Variants in SEMA5B observed in about 807,000 individuals in gnomAD.
The protein encoded by SEMA5B is semaphorin-5B.
SEMA5B carries 66 observed loss-of-function variants against 135.0 expected under a neutral mutation model. That is an observed-to-expected ratio of 0.49 (90% confidence interval 0.40 to 0.60). The LOEUF (loss-of-function observed/expected upper bound fraction) is 0.60, where lower values mean the gene tolerates loss of function less well. SEMA5B is among the 20% of genes least tolerant of loss of function. The pLI, the probability that SEMA5B is intolerant of heterozygous loss-of-function variation, is 0.00. For synonymous variants in SEMA5B, 690 were observed against 639.5 expected (o/e 1.08, Z -1.19); for missense variants, 1,501 against 1,566.3 (o/e 0.96, Z 0.70).
chr3:122,922,233 G>A lies in SEMA5B; in HGVS notation c.1480+7C>T, dbSNP rs781642409. ...CCTGCAGTCCAGGTTGGACCGGGCC[G>A]GCTCACCGGTGCCAATGTAGAGTAC... On this transcript the variant is annotated splice_region_variant and intron_variant, in intron 11 of 22. Transcript: ENST00000357599. 1.3e-4 allele frequency: 212 copies of A among 1,606,614 alleles called. No homozygotes were observed. In the East Asian group the frequency reaches 4.5e-3, roughly 34 times the overall value.
At chr3:122,981,924 C>T (rs185225521) in intron 1 of SEMA5B, among the ~76,000 whole-genome samples, 1 of 152,250 alleles carries the variant, frequency 6.6e-6, no homozygotes, top group East Asian at 1.9e-4. Context: ...AAGTGCTTTG[C>T]GTTTGGCCAT....
chr3:122,915,674 A>T, intron 13 of SEMA5B, 53 bp from the exon 14 acceptor site: 1 of 1,600,352 alleles, frequency 6.2e-7, no homozygotes, highest in Non-Finnish European at 8.6e-7. Context: ...AAGGGCAGGG[A>T]AGTCATAAGA....
intron 5 of SEMA5B, among the ~76,000 whole-genome samples, 157 bp downstream of exon 5, chr3:122,939,268 G>T (rs535668457): frequency 1.3e-5 from 2 of 152,340 alleles, no homozygotes; most frequent in South Asian, 4.1e-4. Context: ...CAGTGACTCT[G>T]ATAGCTGGGG....
chr3:122,949,613 C>T (rs1576359294), intron 2 of SEMA5B, among the ~76,000 whole-genome samples: 3 of 152,180 alleles, frequency 2.0e-5, no homozygotes, highest in South Asian at 4.1e-4. Context: ...AACAAATTAG[C>T]CACATTATAA....
chr3:122,938,044 G>T (rs1242484842), intron 5 of SEMA5B, among the ~76,000 whole-genome samples: 1 of 152,228 alleles, frequency 6.6e-6, no homozygotes, highest in Non-Finnish European at 1.5e-5. Context: ...GCCACAAGAT[G>T]CTGCTTCTGG....
chr3:122,967,712 C>T (rs182790142), intron 1 of SEMA5B, among the ~76,000 whole-genome samples: 2 of 152,338 alleles, frequency 1.3e-5, no homozygotes, highest in Admixed American at 6.5e-5. Context: ...TGTGCTCTAC[C>T]CTGGTTCTTC....
At chr3:122,997,371 T>TCCTCTCAATCCCTCCTCTGCC (rs1942046494) in intron 1 of SEMA5B, among the ~76,000 whole-genome samples, 1 of 152,078 alleles carries the variant, frequency 6.6e-6, no homozygotes, top group Non-Finnish European at 1.5e-5. Context: ...TTCTTGCATC[T>TCCTCTCAATCCCTCCTCTGCC]CCTCTCAATC....
intron 17 of SEMA5B, 65 bp from the exon 18 acceptor site, chr3:122,913,126 C>T: frequency 7.0e-7 from 1 of 1,423,254 alleles, no homozygotes; most frequent in Non-Finnish European, 9.1e-7. Flanking sequence ...TGGGCCTCCC[C>T]GGGGCTCCCG....
chr3:122,943,265 C>T (rs907820476), intron 4 of SEMA5B, among the ~76,000 whole-genome samples, 171 bp downstream of exon 4: 2 of 152,170 alleles, frequency 1.3e-5, no homozygotes, highest in Admixed American at 6.5e-5. Context: ...CCCACCCAGC[C>T]GAAACACGCT....
intron 2 of SEMA5B, among the ~76,000 whole-genome samples, chr3:122,960,395 G>T (rs142316540): frequency 6.6e-6 from 1 of 152,158 alleles, no homozygotes; most frequent in Non-Finnish European, 1.5e-5. Context: ...TGGTACAGCC[G>T]CTATGTAAAA....
chr3:122,958,020 G>A (rs1357276988), intron 2 of SEMA5B, among the ~76,000 whole-genome samples: 2 of 152,252 alleles, frequency 1.3e-5, no homozygotes, highest in African/African-American at 4.8e-5. Context: ...AATTTGGGCT[G>A]TGGGAGGCAG....
At chr3:122,928,920 A>C in intron 6 of SEMA5B, 76 bp downstream of exon 6, 2 of 1,440,188 alleles carry the variant, frequency 1.4e-6, no homozygotes, top group South Asian at 2.4e-5. Context: ...CAGTCCACAC[A>C]GTGCTGCTCC....
At chr3:122,976,966 C>T (rs10934627) in intron 1 of SEMA5B, among the ~76,000 whole-genome samples, 23,445 of 152,240 alleles carry the variant, frequency 0.15, 2,405 homozygotes, top group Admixed American at 0.34. Flanking sequence ...ACAAGAATCA[C>T]TTGAACCGGG....
chr3:122,990,497 T>C (rs1941842420), intron 1 of SEMA5B, among the ~76,000 whole-genome samples: 1 of 152,080 alleles, frequency 6.6e-6, no homozygotes. Flanking sequence ...AGGTGTAACT[T>C]TGCCTGCATG....
Position 122,983,716 on chromosome 3 carries a change from CAAAAAAAAAAAAAAAA to C in SEMA5B, c.-38-22431_-38-22416del, listed in dbSNP as rs57975297. 5.6e-4 allele frequency among the ~76,000 whole-genome samples: 30 copies of C among 53,420 alleles called. 1 individual carries two copies. Among genetic ancestry groups the C allele is most frequent in the East Asian group, 1.0e-3 (2 of 1,964 alleles). 35.0% of individuals were successfully genotyped at this position (53,420 alleles called of 152,430 possible). A position where few individuals can be genotyped will look rare whatever the true frequency, so the allele number is the denominator to read the frequency against. On this transcript the variant is annotated intron_variant, in intron 1 of 22. Coordinates refer to ENST00000357599, the MANE Select transcript of SEMA5B (RefSeq NM_001031702.4). ...CTGGGCGACAGAGCGAGACTCGTCT[CAAAAAAAAAAAAAAAA>C]AAAAAAAAAAAAAAAAAAAAGGTAG...
At chr3:123,018,037 C>T (rs1032119639) in intron 1 of SEMA5B, among the ~76,000 whole-genome samples, 18 of 152,090 alleles carry the variant, frequency 1.2e-4, no homozygotes, top group Admixed American at 6.5e-5. Context: ...GTTCTGGTGG[C>T]ACTAATGCCA....
chr3:122,928,012 A>G lies in SEMA5B; in HGVS notation c.637-9T>C, dbSNP rs780617641. The G allele has an allele frequency of 9.7e-5, 141 of 1,456,806 alleles. No homozygotes were observed. Among genetic ancestry groups the G allele is most frequent in the Non-Finnish European group, 1.3e-4 (139 of 1,099,614 alleles). 90.2% of individuals were successfully genotyped at this position (1,456,806 alleles called of 1,614,324 possible). ...CGGCTGAGGTTCCCCACCTGGGGAC[A>G]ATGGGGAGAAGGGGACACTTTTCCC... On this transcript the variant is annotated splice_polypyrimidine_tract_variant and intron_variant, in intron 7 of 22. Coordinates refer to ENST00000357599, the MANE Select transcript of SEMA5B (RefSeq NM_001031702.4).
At chr3:122,911,870 G>A in intron 20 of SEMA5B, 50 bp downstream of exon 20, 1 of 1,537,254 alleles carries the variant, frequency 6.5e-7, no homozygotes, top group Middle Eastern at 1.8e-4. Context: ...AGGAAGTTGG[G>A]AGTGCAGGCT....
chr3:122,913,116 T>C lies in SEMA5B; in HGVS notation c.2507-55A>G, dbSNP rs554398837. ...GCGCCCGGCCACCCCGACCCCGGCC[T>C]GGGCCTCCCCGGGGCTCCCGCCCCC... On this transcript the variant is annotated intron_variant, in intron 17 of 22. Coordinates refer to ENST00000357599, the MANE Select transcript of SEMA5B (RefSeq NM_001031702.4). The C allele has an allele frequency of 1.5e-4, 209 of 1,420,270 alleles. 1 individual carries two copies. In the African/African-American group the frequency reaches 2.5e-3, roughly 17 times the overall value. The allele number at this position is 1,420,270 out of a possible 1,614,324, so 88.0% of individuals were successfully genotyped here.
Sources: gnomAD v4.1 joint callset for allele counts (sites outside exome capture counted in the v4.1 genomes callset) on GRCh38, gnomAD v4.1.1 for gene constraint, MANE v1.5 for transcripts, NCBI Gene and HGNC (gene_info 2026-07-23, HGNC 2026-07-21) for gene names.